Variants in DRAM2 observed in about 807,000 individuals in gnomAD.
DRAM2 encodes the protein DNA damage-regulated autophagy modulator protein 2.
Under a neutral mutation model 33.5 loss-of-function variants are expected in DRAM2, and 26 were observed. The ratio of observed to expected loss-of-function variants is 0.78; its 90% CI spans 0.57 to 1.08. DRAM2 has a LOEUF of 1.08. DRAM2 is among the 50% of genes least tolerant of loss of function. The pLI, the probability that DRAM2 is intolerant of heterozygous loss-of-function variation, is 0.00. For synonymous variants in DRAM2, 98 were observed against 109.5 expected (o/e 0.89, Z 0.66); for missense variants, 311 against 318.1 (o/e 0.98, Z 0.17).
chr1:111,129,841 AAAAAAG>A (rs2101073401), intron 4 of DRAM2, among the ~76,000 whole-genome samples: 1 of 152,330 alleles, frequency 6.6e-6, no homozygotes, highest in Non-Finnish European at 1.5e-5. Flanking sequence ...AAGAACGAGA[AAAAAAG>A]AGAAAGAGTT....
intron 6 of DRAM2, 133 bp downstream of exon 6, chr1:111,124,604 ATAATT>A (rs1438630528): frequency 5.6e-6 from 5 of 889,540 alleles, no homozygotes; most frequent in Middle Eastern, 3.5e-4. Flanking sequence ...ATAGGGTCAA[ATAATT>A]TAAAGGAAGT....
intron 3 of DRAM2, 143 bp from the exon 4 acceptor site, chr1:111,131,711 C>CGCT (rs1652127466): frequency 1.4e-6 from 1 of 717,520 alleles, no homozygotes; most frequent in Non-Finnish European, 2.2e-6. Flanking sequence ...CCCCAATACT[C>CGCT]GCTCTCCTTC....
intron 4 of DRAM2, among the ~76,000 whole-genome samples, chr1:111,130,419 T>G (rs1651807784): frequency 6.6e-6 from 1 of 152,250 alleles, no homozygotes; most frequent in Non-Finnish European, 1.5e-5. Context: ...AATTACTTTC[T>G]ACGAGGCTGG....
rs1380613157 is a variant in DRAM2 at position 111,118,178 on chromosome 1, T to C, written c.783A>G (p.Leu261=). ...PCPINNERTR[L]LSRDI ...CCTTTCATCAAATATCTCTGGAAAG[T>C]AGCCGTGTTCGTTCATTGTTAATAG... The change falls in exon 10 of 10, where the codon CTA becomes CTG. Residue 261 remains leucine (L), a synonymous_variant. Coordinates refer to ENST00000484310, the MANE Select transcript of DRAM2 (RefSeq NM_001349884.2). 1.2e-6 allele frequency: 2 copies of C among 1,612,586 alleles called. No individual in the cohort carries two copies. The highest frequency in any genetic ancestry group is 1.6e-4 in the Middle Eastern group (1 of 6,076).
At position 111,131,575 on chromosome 1, in the gene DRAM2, T is replaced by G. The variant is rs767345532; in HGVS notation, c.-14-7A>C. ...CACATTTCTAACAGGTTTTCTGAAATAGAGAAAACATATTAGAAAAGATAA... is the reference window on the plus strand; with the variant it reads ...CACATTTCTAACAGGTTTTCTGAAAGAGAGAAAACATATTAGAAAAGATAA... On this transcript the variant is annotated splice_polypyrimidine_tract_variant and splice_region_variant and intron_variant, in intron 3 of 9. Coordinates refer to ENST00000484310, the MANE Select transcript of DRAM2 (RefSeq NM_001349884.2). 6.2e-7 allele frequency: 1 copy of G among 1,612,326 alleles called. No individual in the cohort carries two copies. The highest frequency in any genetic ancestry group is 1.3e-5 in the African/African-American group (1 of 74,600).
chr1:111,118,249 C>T lies in DRAM2; in HGVS notation c.712G>A (p.Glu238Lys). The change falls in exon 10 of 10, where the codon GAA becomes AAA. Residue 238 changes from glutamate (E) to lysine (K), a missense_variant. By Grantham distance (56) the Glu-to-Lys change is moderately conservative (BLOSUM62 1). Transcript: ENST00000484310. ...RDFQKISLRV[E>K]ANLHGLTLYD... ...AGGGTTAATCCATGTAAATTGGCTT[C>T]CACCCGTAAAGAAATTTTCTGGAAC... 2 of 1,611,334 alleles carry T rather than the reference C, an allele frequency of 1.2e-6. No homozygotes were observed. Among genetic ancestry groups the T allele is most frequent in the Non-Finnish European group, 1.7e-6 (2 of 1,178,670 alleles).
intron 3 of DRAM2, among the ~76,000 whole-genome samples, chr1:111,135,308 A>T (rs994398429): frequency 6.6e-6 from 1 of 152,210 alleles, no homozygotes; most frequent in African/African-American, 2.4e-5. Context: ...GGTTACAGGG[A>T]TATGAATTCT....
Position 111,131,531 on chromosome 1 carries a change from G to A in DRAM2, c.24C>T (p.Leu8=), listed in dbSNP as rs1263869482. The change falls in exon 4 of 10, where the codon CTC becomes CTT. Residue 8 remains leucine, a synonymous_variant. Coordinates refer to ENST00000484310, the MANE Select transcript of DRAM2 (RefSeq NM_001349884.2). ...TTACAAGGGCTGAAGGAAGGAAACT[G>A]AGGCCTTGCTGAAACCACCACATTT... MWWFQQG[L]SFLPSALVIW... is the part of the protein sequence containing the mutation. The A allele has an allele frequency of 2.5e-6, 4 of 1,613,978 alleles. No individual in the cohort carries two copies. The African/African-American group carries it at 5.3e-5, about 22-fold the overall frequency.
chr1:111,118,771 C>A, intron 9 of DRAM2, 34 bp downstream of exon 9: 1 of 1,525,060 alleles, frequency 6.6e-7, no homozygotes. Flanking sequence ...AGAAGGAAGT[C>A]TGACTGAATA....
intron 2 of DRAM2, among the ~76,000 whole-genome samples, chr1:111,138,912 A>C (rs1236093855): frequency 2.6e-5 from 4 of 152,266 alleles, no homozygotes; most frequent in Non-Finnish European, 5.9e-5. Context: ...TAATAAAATG[A>C]ATTCCTCATG....
At chr1:111,136,975 C>T (rs1571075323) in intron 3 of DRAM2, among the ~76,000 whole-genome samples, 1 of 151,202 alleles carries the variant, frequency 6.6e-6, no homozygotes, top group Non-Finnish European at 1.5e-5. Context: ...CATGATTGGC[C>T]GGGCACGGTG....
At chr1:111,134,897 G>A (rs1226920310) in intron 3 of DRAM2, among the ~76,000 whole-genome samples, 1 of 151,890 alleles carries the variant, frequency 6.6e-6, no homozygotes, top group African/African-American at 2.4e-5. Context: ...TACCAACCCG[G>A]GCCAACTTTA....
At chr1:111,129,562 A>C (rs1044738781) in intron 4 of DRAM2, among the ~76,000 whole-genome samples, 4 of 152,178 alleles carry the variant, frequency 2.6e-5, no homozygotes, top group Non-Finnish European at 5.9e-5. Flanking sequence ...CTTTTTGTGA[A>C]TGCATAAACT....
At chr1:111,132,586 G>A (rs1652320606) in intron 3 of DRAM2, among the ~76,000 whole-genome samples, 1 of 152,078 alleles carries the variant, frequency 6.6e-6, no homozygotes, top group African/African-American at 2.4e-5. Context: ...GTCAGCTGGT[G>A]GAGAGAAATC....
Position 111,119,883 on chromosome 1 carries a change from C to A in DRAM2, c.594G>T (p.Glu198Asp). 1 of 1,612,296 alleles carries A rather than the reference C, an allele frequency of 6.2e-7. No individual in the cohort carries two copies. Among genetic ancestry groups the A allele is most frequent in the Non-Finnish European group, 8.5e-7 (1 of 1,178,798 alleles). Residue 198 changes from glutamate to aspartate, a missense_variant, in exon 8 of 10, where the codon GAG becomes GAT. Glu to Asp is a conservative substitution (Grantham distance 45). Transcript: ENST00000484310. ...ATAGACTGTAAGTTCTTACTTTGTC[C>A]TCGGGGTTCCAATGGAGTTTCTGTT... ...DLEQKLHWNP[E>D]DKGYVLHMIT... is the part of the protein sequence containing the mutation.
At chr1:111,133,857 T>C (rs2101105393) in intron 3 of DRAM2, among the ~76,000 whole-genome samples, 2 of 152,368 alleles carry the variant, frequency 1.3e-5, no homozygotes, top group Middle Eastern at 6.8e-3. Context: ...AACTTTTATG[T>C]TTTTCAAGGC....
Position 111,118,069 on chromosome 1 carries a change from T to C in DRAM2, c.*91A>G, listed in dbSNP as rs1649263239. 127 of 1,222,266 alleles carry C rather than the reference T, an allele frequency of 1.0e-4. No homozygotes were observed. In the South Asian group the frequency reaches 1.5e-3, roughly 15 times the overall value. The allele number at this position is 1,222,266 out of a possible 1,614,324, so 75.7% of individuals were successfully genotyped here. ...GTTACTGTCAGCCTTGATTAAGTGG[T>C]TGAAAATTTCAGAGAAGAATAAGCA... On this transcript the variant is annotated 3_prime_UTR_variant, in exon 10 of 10. Coordinates refer to ENST00000484310, the MANE Select transcript of DRAM2 (RefSeq NM_001349884.2).
At chr1:111,136,641 T>C (rs1200621164) in intron 3 of DRAM2, among the ~76,000 whole-genome samples, 1 of 152,046 alleles carries the variant, frequency 6.6e-6, no homozygotes, top group Non-Finnish European at 1.5e-5. Flanking sequence ...TCAACACAGA[T>C]TGTACCATCT....
intron 4 of DRAM2, among the ~76,000 whole-genome samples, chr1:111,130,879 C>G (rs192920071): frequency 6.6e-6 from 1 of 151,246 alleles, no homozygotes; most frequent in Admixed American, 6.6e-5. Flanking sequence ...TAGTGATGCA[C>G]GCCTGTAATC....
Sources: allele counts gnomAD v4.1 joint callset (sites outside exome capture counted in the v4.1 genomes callset), GRCh38; gene constraint gnomAD v4.1.1; transcripts MANE v1.5; gene names NCBI Gene and HGNC (gene_info 2026-07-23, HGNC 2026-07-21).